KDM2B: variants seen among roughly 807,000 people sequenced by gnomAD.
The protein encoded by KDM2B is lysine-specific demethylase 2B.
A neutral mutation model predicts 150.0 loss-of-function variants in KDM2B; 26 were observed. That is an observed-to-expected ratio of 0.17 (90% CI 0.13 to 0.24). The LOEUF is 0.24. Ranked by LOEUF, KDM2B falls within the 10% of genes least tolerant of loss-of-function variation. The pLI is 1.00. For missense variants in KDM2B, 1,265 were observed against 1,816.9 expected, an observed-to-expected ratio of 0.70 and a Z score of 5.52; for synonymous variants, 734 against 729.5, an observed-to-expected ratio of 1.01 and a Z score of -0.10.
At chr12:121,526,792 G>A (rs1241307452) in intron 8 of KDM2B, among the ~76,000 whole-genome samples, 3 of 152,102 alleles carry the variant, frequency 2.0e-5, no homozygotes, top group Non-Finnish European at 4.4e-5. Flanking sequence ...AGCACTTGGG[G>A]AGGCCGAGGC....
At chr12:121,462,787 C>T (rs550902250) in intron 12 of KDM2B, among the ~76,000 whole-genome samples, 4 of 152,088 alleles carry the variant, frequency 2.6e-5, no homozygotes, top group Admixed American at 6.5e-5. Context: ...CCACCGCGCC[C>T]GGCTGGCAAA....
In KDM2B at chr12:121,452,354, G is replaced by A. The variant is rs1347117815; in HGVS notation, c.1959+766C>T. Among the ~76,000 whole-genome samples, 5 of 152,208 alleles carry A rather than the reference G, an allele frequency of 3.3e-5. No homozygotes were observed. The highest frequency in any genetic ancestry group is 5.9e-5 in the Non-Finnish European group (4 of 68,042). Reference sequence around the variant, plus strand: ...TGGAAGGAGATGGCTGAGGTGTCTGGGCCTGCGGGGCATCGACAGCCAAGG... The same window carrying A: ...TGGAAGGAGATGGCTGAGGTGTCTGAGCCTGCGGGGCATCGACAGCCAAGG... On this transcript the variant is annotated intron_variant, in intron 13 of 22. Coordinates refer to ENST00000377071, the MANE Select transcript of KDM2B (RefSeq NM_032590.5). The surrounding 1 kb of genome is among the most constrained non-coding windows in gnomAD (Gnocchi z 4.4).
chr12:121,421,094 C>T, the KDM2B span, among the ~76,000 whole-genome samples: 1 of 152,094 alleles, frequency 6.6e-6, no homozygotes, highest in Non-Finnish European at 1.5e-5. Flanking sequence ...TATTTTCTCA[C>T]TAATGCCTTT....
At chr12:121,502,837 G>A (rs1884707451) in intron 11 of KDM2B, among the ~76,000 whole-genome samples, 1 of 149,172 alleles carries the variant, frequency 6.7e-6, no homozygotes, top group East Asian at 2.0e-4. Flanking sequence ...CAGCTACCTC[G>A]ATCACCTGAG....
At chr12:121,551,096 C>CT (rs1889453310) in intron 4 of KDM2B, among the ~76,000 whole-genome samples, 1 of 152,102 alleles carries the variant, frequency 6.6e-6, no homozygotes, top group Non-Finnish European at 1.5e-5. Flanking sequence ...GGCCCTTGAA[C>CT]TAGACAGAAC....
rs898591177 is a variant in KDM2B, at chr12:121,468,200, G to A, written c.1735-14856C>T. 1.3e-5 allele frequency: 2 copies of A among 152,380 alleles called. No homozygotes were observed. Among genetic ancestry groups the A allele is most frequent in the Non-Finnish European group, 1.5e-5 (1 of 68,168 alleles). The allele number at this position is 152,380 out of a possible 1,614,324, so 9.4% of individuals were successfully genotyped here. A position where few individuals can be genotyped will look rare whatever the true frequency, so the allele number is the denominator to read the frequency against. The stretch of plus-strand genomic sequence containing the variant: ...TAGGAGACTGGCTGCCCCTTAGGCT[G>A]GCTGGGGAGGTGTGGGTTTCTGAAT... On this transcript the variant is annotated intron_variant, in intron 12 of 22. Transcript: ENST00000377071. This position sits in a 1 kb window ranked among gnomAD's most constrained non-coding sequence, Gnocchi z 4.0.
chr12:121,533,095 A>C lies in KDM2B; in HGVS notation c.778-136T>G. ...GGTGGGGGGTGTGGAGAGATGGCAG[A>C]TCCATCCCTCTGGACTCTCTGCAAG... On this transcript the variant is annotated intron_variant, in intron 7 of 22. Coordinates refer to ENST00000377071, the MANE Select transcript of KDM2B (RefSeq NM_032590.5). This position sits in a 1 kb window ranked among gnomAD's most constrained non-coding sequence, Gnocchi z 4.1. 2 of 821,894 alleles carry C rather than the reference A, an allele frequency of 2.4e-6. No individual in the cohort carries two copies. The highest frequency in any genetic ancestry group is 3.8e-6 in the Non-Finnish European group (2 of 520,570). The allele number at this position is 821,894 out of a possible 1,614,324, so 50.9% of individuals were successfully genotyped here.
At chr12:121,559,681 A>C (rs1555313513) in intron 4 of KDM2B, among the ~76,000 whole-genome samples, 1 of 151,974 alleles carries the variant, frequency 6.6e-6, no homozygotes, top group African/African-American at 2.4e-5. Flanking sequence ...CAGGAGGATC[A>C]CCTGAGGTCG....
At chr12:121,483,028 T>A (rs1882326414) in intron 12 of KDM2B, among the ~76,000 whole-genome samples, 1 of 151,780 alleles carries the variant, frequency 6.6e-6, no homozygotes, top group South Asian at 2.1e-4. Flanking sequence ...CTGGGCGTGG[T>A]GGGGGGCGCC....
At chr12:121,455,539 A>G (rs1001105033) in intron 12 of KDM2B, among the ~76,000 whole-genome samples, 1 of 152,098 alleles carries the variant, frequency 6.6e-6, no homozygotes, top group Admixed American at 6.6e-5. Context: ...AGTGAGACCT[A>G]CAAAAAATTT....
chr12:121,419,468 A>AT, the KDM2B span, among the ~76,000 whole-genome samples: 4 of 152,316 alleles, frequency 2.6e-5, no homozygotes, highest in African/African-American at 9.6e-5. Flanking sequence ...GAATTGGCAT[A>AT]TTTATGCTGC....
intron 12 of KDM2B, chr12:121,469,259 T>C (rs1440736020): frequency 1.3e-5 from 2 of 151,206 alleles, no homozygotes; most frequent in African/African-American, 4.9e-5. Context: ...AGCAAAAGAA[T>C]ACACCCTAAC....
chr12:121,422,943 G>A, the KDM2B span, among the ~76,000 whole-genome samples: 2 of 152,240 alleles, frequency 1.3e-5, no homozygotes, highest in African/African-American at 4.8e-5. Context: ...TTTTCCTACT[G>A]AGATGAGGCT....
At chr12:121,510,127 T>C in intron 10 of KDM2B, 88 bp from the exon 11 acceptor site, 1 of 1,147,672 alleles carries the variant, frequency 8.7e-7, no homozygotes, top group Non-Finnish European at 1.2e-6. Context: ...AAAGTCCCCT[T>C]TACTCCAGAG....
chr12:121,526,796 C>A (rs1887171266), intron 8 of KDM2B, among the ~76,000 whole-genome samples: 1 of 152,020 alleles, frequency 6.6e-6, no homozygotes, highest in Admixed American at 6.6e-5. Context: ...CTTGGGGAGG[C>A]CGAGGCGGGC....
rs1366560109 is a variant in KDM2B, at chr12:121,467,058, C to CGCG, written c.1735-13717_1735-13715dup. ...AGCGGCAGCAAAACTTTCTCCTCAT[C>CGCG]GCGGCGGCGGCGGCGTCGCGGCCGC... On this transcript the variant is annotated intron_variant, in intron 12 of 22. Coordinates refer to ENST00000377071, the MANE Select transcript of KDM2B (RefSeq NM_032590.5). The surrounding 1 kb of genome is among the most constrained non-coding windows in gnomAD (Gnocchi z 5.1). 8.5e-6 allele frequency: 5 copies of CGCG among 590,188 alleles called. No individual in the cohort carries two copies. The highest frequency in any genetic ancestry group is 8.8e-6 in the Non-Finnish European group (4 of 454,684). The allele number at this position is 590,188 out of a possible 1,614,324, so 36.6% of individuals were successfully genotyped here.
In KDM2B at chr12:121,442,669, G is replaced by A. The variant is rs200720149; in HGVS notation, c.2772C>T (p.Ala924=). ...CCTTCTTCTTCTCCTCCGGGCCCTC[G>A]GCCCCTTCGGTGCTGGGTCCCGCGG... ...SPTAGPSTEG[A]EGPEEKKKVK... The change falls in exon 19 of 23, where the codon GCC becomes GCT. Residue 924 remains alanine (A), a synonymous_variant. Coordinates refer to ENST00000377071, the MANE Select transcript of KDM2B (RefSeq NM_032590.5). The surrounding 1 kb of genome is among the most constrained non-coding windows in gnomAD (Gnocchi z 7.7). The A allele has an allele frequency of 5.2e-4, 827 of 1,605,394 alleles. 2 individuals carry two copies. The highest frequency in any genetic ancestry group is 2.2e-4 in the Non-Finnish European group (261 of 1,177,274).
chr12:121,473,285 G>A (rs1555296185), intron 12 of KDM2B, among the ~76,000 whole-genome samples: 1 of 151,972 alleles, frequency 6.6e-6, no homozygotes, highest in Non-Finnish European at 1.5e-5. Flanking sequence ...CCAGTTACTT[G>A]GGAGGCTGAG....
At chr12:121,441,999 A>T (rs1252648557) in intron 19 of KDM2B, among the ~76,000 whole-genome samples, 158 bp downstream of exon 19, 1 of 152,210 alleles carries the variant, frequency 6.6e-6, no homozygotes, top group Non-Finnish European at 1.5e-5. Flanking sequence ...TGACAAGACC[A>T]GAGGGGCCGC....
Sources: gnomAD v4.1 joint callset for allele counts (sites outside exome capture counted in the v4.1 genomes callset) on GRCh38, gnomAD v4.1.1 for gene constraint, Gnocchi (gnomAD v3.1) non-coding constraint, MANE v1.5 for transcripts, NCBI Gene and HGNC (gene_info 2026-07-23, HGNC 2026-07-21) for gene names.